Variants in GPC6 observed in about 807,000 individuals in gnomAD.
GPC6 encodes the protein glypican-6.
Under a neutral mutation model 55.2 loss-of-function variants are expected in GPC6, and 14 were observed. That is an observed-to-expected ratio of 0.25 (90% CI 0.17 to 0.40). The LOEUF (loss-of-function observed/expected upper bound fraction) is 0.40, where lower values mean the gene tolerates loss of function less well. GPC6 is among the 10% of genes least tolerant of loss of function. The pLI is 1.00. For missense variants in GPC6, 641 were observed against 708.5 expected (o/e 0.90, Z 1.08); for synonymous variants, 278 against 259.6 (o/e 1.07, Z -0.68).
intron 6 of GPC6, among the ~76,000 whole-genome samples, chr13:94,348,225 A>G (rs1005608600): frequency 1.3e-5 from 2 of 152,126 alleles, no homozygotes; most frequent in African/African-American, 2.4e-5. Context: ...TGGAACATAT[A>G]CTCTTATGGA....
intron 1 of GPC6, among the ~76,000 whole-genome samples, chr13:93,429,965 G>A (rs1004487353): frequency 6.6e-6 from 1 of 152,098 alleles, no homozygotes; most frequent in Non-Finnish European, 1.5e-5. Flanking sequence ...AAACTCCAGG[G>A]TTGCTTTTTC....
chr13:93,243,556 G>A (rs980422194), intron 1 of GPC6, among the ~76,000 whole-genome samples: 1 of 152,192 alleles, frequency 6.6e-6, no homozygotes, highest in Non-Finnish European at 1.5e-5. Context: ...TCTCCCAGTG[G>A]CAGGTGCGAG....
At chr13:93,760,631 C>T (rs1218802883) in intron 2 of GPC6, among the ~76,000 whole-genome samples, 1 of 152,110 alleles carries the variant, frequency 6.6e-6, no homozygotes, top group Non-Finnish European at 1.5e-5. Flanking sequence ...CAACAAGGGT[C>T]CAGGCTGCCA....
chr13:93,672,059 T>C (rs1881380414), intron 2 of GPC6, among the ~76,000 whole-genome samples: 2 of 151,890 alleles, frequency 1.3e-5, no homozygotes, highest in Admixed American at 6.6e-5. Context: ...TCTAAATATA[T>C]ATTTTGAAGG....
In GPC6 at chr13:93,442,790, G is replaced by A. The variant is rs1372913526; in HGVS notation, c.161-102473G>A. On this transcript the variant is annotated intron_variant, in intron 1 of 8. Coordinates refer to ENST00000377047, the MANE Select transcript of GPC6 (RefSeq NM_005708.5). ...TTTTGGATATTTAATTGCCTGCTAA[G>A]TGTATATATATATTTTTATTATTGA... is the stretch of plus-strand genomic sequence containing the variant. Among the ~76,000 whole-genome samples, 6 of 152,172 alleles carry A rather than the reference G, an allele frequency of 3.9e-5. No homozygotes were observed. The East Asian group carries it at 9.7e-4, about 25-fold the overall frequency.
At chr13:93,819,193 C>A (rs771161971) in intron 2 of GPC6, among the ~76,000 whole-genome samples, 4 of 152,152 alleles carry the variant, frequency 2.6e-5, no homozygotes, top group Non-Finnish European at 5.9e-5. Context: ...CCTACACAAT[C>A]TTTTGTTCCA....
At chr13:94,067,830 A>T (rs1476978188) in intron 4 of GPC6, among the ~76,000 whole-genome samples, 1 of 152,184 alleles carries the variant, frequency 6.6e-6, no homozygotes, top group Non-Finnish European at 1.5e-5. Context: ...AGCAGAACTC[A>T]TACAATCCTC....
chr13:93,274,316 T>C (rs1246067375), intron 1 of GPC6, among the ~76,000 whole-genome samples: 1 of 152,186 alleles, frequency 6.6e-6, no homozygotes, highest in Non-Finnish European at 1.5e-5. Flanking sequence ...GAGTAATGTG[T>C]CATTGGGGGA....
chr13:94,117,664 G>T (rs369663111), intron 4 of GPC6, among the ~76,000 whole-genome samples: 7 of 152,190 alleles, frequency 4.6e-5, no homozygotes, highest in African/African-American at 1.7e-4. Context: ...GACAAGAAGA[G>T]AACAAAGTAA....
intron 4 of GPC6, among the ~76,000 whole-genome samples, chr13:94,215,250 A>AT (rs557774155): frequency 5.9e-5 from 9 of 151,332 alleles, no homozygotes; most frequent in African/African-American, 1.2e-4. Flanking sequence ...AACTGGCTGC[A>AT]TTTTTTTTTC....
At chr13:93,268,890 C>A in intron 1 of GPC6, among the ~76,000 whole-genome samples, 1 of 152,110 alleles carries the variant, frequency 6.6e-6, no homozygotes, top group Non-Finnish European at 1.5e-5. Context: ...AAGTTCCCTG[C>A]TGTGCATTCT....
At chr13:93,622,249 A>T (rs73543530) in intron 2 of GPC6, among the ~76,000 whole-genome samples, 1 of 152,204 alleles carries the variant, frequency 6.6e-6, no homozygotes, top group Admixed American at 6.5e-5. Flanking sequence ...TCAACTATGT[A>T]TTAGGCATTG....
intron 4 of GPC6, among the ~76,000 whole-genome samples, chr13:94,254,443 T>G (rs1891445222): frequency 6.6e-6 from 1 of 152,134 alleles, no homozygotes; most frequent in South Asian, 2.1e-4. Flanking sequence ...AAATGCAATA[T>G]TCCAAACATA....
chr13:94,273,892 C>G (rs1892121756), intron 4 of GPC6, among the ~76,000 whole-genome samples: 1 of 152,048 alleles, frequency 6.6e-6, no homozygotes. Context: ...TTGAACATTC[C>G]AAGCTACAAA....
intron 2 of GPC6, among the ~76,000 whole-genome samples, chr13:93,547,228 C>T (rs1469999106): frequency 1.3e-5 from 2 of 151,368 alleles, no homozygotes; most frequent in Non-Finnish European, 2.9e-5. Context: ...CGCCTGTAGT[C>T]CCAGCTACTG....
rs182133591 is a variant in GPC6, at chr13:93,712,915, T to C, written c.320-117239T>C. The stretch of plus-strand genomic sequence containing the variant: ...GCGTATTTTAAAAATTGCTAATGTA[T>C]TAAGCCGCATTTTAAAAAAATTTCT... On this transcript the variant is annotated intron_variant, in intron 2 of 8. Coordinates refer to ENST00000377047, the MANE Select transcript of GPC6 (RefSeq NM_005708.5). Among the ~76,000 whole-genome samples the C allele has an allele frequency of 4.1e-3, 617 of 151,604 alleles. 3 individuals carry two copies. Among genetic ancestry groups the C allele is most frequent in the Admixed American group, 6.7e-3 (101 of 15,166 alleles).
intron 3 of GPC6, among the ~76,000 whole-genome samples, chr13:93,999,605 G>A (rs1881710178): frequency 1.3e-5 from 2 of 152,148 alleles, no homozygotes; most frequent in African/African-American, 4.8e-5. Context: ...CATCCCTGTT[G>A]TTGCAAATGG....
At chr13:93,426,583 C>T (rs1286306190) in intron 1 of GPC6, among the ~76,000 whole-genome samples, 1 of 152,002 alleles carries the variant, frequency 6.6e-6, no homozygotes, top group East Asian at 1.9e-4. Context: ...TTTTTTATGG[C>T]TGCATAGTAT....
chr13:94,172,173 A>G (rs1888591815), intron 4 of GPC6, among the ~76,000 whole-genome samples: 1 of 152,134 alleles, frequency 6.6e-6, no homozygotes, highest in Non-Finnish European at 1.5e-5. Flanking sequence ...TTATAATCAA[A>G]TCTACCTGAG....
Sources: allele counts gnomAD v4.1 joint callset (sites outside exome capture counted in the v4.1 genomes callset), GRCh38; gene constraint gnomAD v4.1.1; transcripts MANE v1.5; gene names NCBI Gene and HGNC (gene_info 2026-07-23, HGNC 2026-07-21).